The following ADGRV1 variants were observed in gnomAD, a reference collection of about 807,000 sequenced individuals.
The protein encoded by ADGRV1 is G-protein coupled receptor 98.
Under a neutral mutation model 596.2 loss-of-function variants are expected in ADGRV1, and 359 were observed. That is an observed-to-expected ratio of 0.60 (90% CI 0.55 to 0.66). The LOEUF (loss-of-function observed/expected upper bound fraction) is 0.66, where lower values mean the gene tolerates loss of function less well. ADGRV1 is among the 30% of genes least tolerant of loss of function. ADGRV1 has a pLI of 0.00. For missense variants in ADGRV1, 7,274 were observed against 7,575.6 expected, an observed-to-expected ratio of 0.96 and a Z score of 1.48; for synonymous variants, 2,681 against 2,679.2, an observed-to-expected ratio of 1.00 and a Z score of -0.02.
At chr5:91,149,463 C>T (rs1795833294) in intron 87 of ADGRV1, among the ~76,000 whole-genome samples, 2 of 152,164 alleles carry the variant, frequency 1.3e-5, no homozygotes, top group South Asian at 4.1e-4. Flanking sequence ...GTGCCTTCCA[C>T]CATGATGTTA....
At chr5:91,154,539 C>G (rs1240086880) in intron 89 of ADGRV1, among the ~76,000 whole-genome samples, 4 of 152,238 alleles carry the variant, frequency 2.6e-5, no homozygotes, top group African/African-American at 9.6e-5. Flanking sequence ...AGACCGTGCT[C>G]TCAGCCGCTG....
chr5:91,111,043 A>T (rs1196885487), intron 87 of ADGRV1, among the ~76,000 whole-genome samples: 2 of 152,224 alleles, frequency 1.3e-5, no homozygotes, highest in African/African-American at 4.8e-5. Context: ...CCAGTTGGTT[A>T]AAATCATTTT....
intron 87 of ADGRV1, among the ~76,000 whole-genome samples, chr5:91,136,609 T>G (rs1045915783): frequency 6.6e-6 from 1 of 152,242 alleles, no homozygotes; most frequent in Non-Finnish European, 1.5e-5. Flanking sequence ...CTTTATAAAT[T>G]TGATCTACAG....
At chr5:91,143,970 T>G (rs1795321587) in intron 87 of ADGRV1, among the ~76,000 whole-genome samples, 1 of 152,216 alleles carries the variant, frequency 6.6e-6, no homozygotes, top group African/African-American at 2.4e-5. Flanking sequence ...TGTGCATGCC[T>G]GGCTGGGTTG....
intron 83 of ADGRV1, among the ~76,000 whole-genome samples, chr5:90,936,073 TAA>T (rs1159156072): frequency 6.6e-6 from 1 of 152,208 alleles, no homozygotes; most frequent in Non-Finnish European, 1.5e-5. Flanking sequence ...GCATTTGTAA[TAA>T]GTTACCAGGA....
Position 90,774,204 on chromosome 5 carries a change from A to G in ADGRV1, c.12304A>G (p.Ile4102Val), listed in dbSNP as rs530625257. The G allele has an allele frequency of 3.1e-6, 5 of 1,605,946 alleles. No homozygotes were observed. Among genetic ancestry groups the G allele is most frequent in the Non-Finnish European group, 3.4e-6 (4 of 1,174,148 alleles). ...HFDETESQKT[I>V]VLHTLQDTVL... ...GATGTAGACTGAGTCCCAGAAGACC[A>G]TTGTGTTGCACACACTTCAAGACAC... The change falls in exon 60 of 90, where the codon ATT becomes GTT. Residue 4102 changes from isoleucine (I) to valine (V), a missense_variant. Coordinates refer to ENST00000405460, the MANE Select transcript of ADGRV1 (RefSeq NM_032119.4).
chr5:91,141,523 A>G (rs58976456), intron 87 of ADGRV1, among the ~76,000 whole-genome samples: 1,734 of 152,314 alleles, frequency 0.011, 34 homozygotes, highest in African/African-American at 0.04. Context: ...AAATAAGACC[A>G]TCAACAAAAG....
chr5:90,925,541 TGGG>T (rs1774345493), intron 83 of ADGRV1, among the ~76,000 whole-genome samples: 1 of 152,150 alleles, frequency 6.6e-6, no homozygotes, highest in East Asian at 1.9e-4. Context: ...GCTGAGACAG[TGGG>T]GTTTTCTAGA....
chr5:90,714,850 A>G (rs542813069), intron 42 of ADGRV1, among the ~76,000 whole-genome samples: 1 of 152,194 alleles, frequency 6.6e-6, no homozygotes, highest in Admixed American at 6.5e-5. Context: ...TATTTATCAT[A>G]GCCTTGAAGT....
At chr5:90,856,916 TC>T (rs1767076717) in intron 82 of ADGRV1, among the ~76,000 whole-genome samples, 1 of 152,220 alleles carries the variant, frequency 6.6e-6, no homozygotes, top group South Asian at 2.1e-4. Flanking sequence ...AATGCATATC[TC>T]TTGTATTTGG....
At chr5:91,099,587 G>C (rs1218804256) in intron 86 of ADGRV1, among the ~76,000 whole-genome samples, 17 of 152,140 alleles carry the variant, frequency 1.1e-4, no homozygotes, top group Admixed American at 1.0e-3. Context: ...CAGGGGAGTG[G>C]ATCGAATCAG....
chr5:91,003,057 G>T (rs563421775), intron 85 of ADGRV1, among the ~76,000 whole-genome samples: 2 of 152,100 alleles, frequency 1.3e-5, no homozygotes, highest in South Asian at 4.1e-4. Context: ...TACCTCCCAG[G>T]GTACCACACT....
At chr5:90,829,811 T>C (rs1345293239) in intron 77 of ADGRV1, among the ~76,000 whole-genome samples, 1 of 152,118 alleles carries the variant, frequency 6.6e-6, no homozygotes, top group Non-Finnish European at 1.5e-5. Flanking sequence ...GAAACTCTAA[T>C]ATAGTAAAGC....
chr5:90,655,959 T>C (rs1475377137), intron 20 of ADGRV1: 1 of 152,228 alleles, frequency 6.6e-6, no homozygotes, highest in Non-Finnish European at 1.5e-5. Flanking sequence ...TCACAATTTT[T>C]CTTCTTTATT....
chr5:91,003,249 G>A (rs980177730), intron 85 of ADGRV1, among the ~76,000 whole-genome samples: 12 of 152,240 alleles, frequency 7.9e-5, no homozygotes, highest in South Asian at 2.1e-4. Context: ...GAAATCCTGC[G>A]CCTTTTAATT....
intron 83 of ADGRV1, among the ~76,000 whole-genome samples, chr5:90,914,031 T>C (rs78751985): frequency 0.056 from 8,513 of 152,242 alleles, 401 homozygotes; most frequent in East Asian, 0.23. Flanking sequence ...TATGAAGTAG[T>C]GAGTGGGGCT....
At position 90,643,079 on chromosome 5, in the gene ADGRV1, G is replaced by T. The variant is rs756935726; in HGVS notation, c.2553+38G>T. 75 of 1,499,138 alleles carry T rather than the reference G, an allele frequency of 5.0e-5. No homozygotes were observed. In the Admixed American group the frequency reaches 1.2e-3, roughly 25 times the overall value. 92.9% of individuals were successfully genotyped at this position (1,499,138 alleles called of 1,614,324 possible). A position where few individuals can be genotyped will look rare whatever the true frequency, so the allele number is the denominator to read the frequency against. ...ATATTTTCTTTGTGTTTCTCTGTAAGATTGATAGTATTTGGTATATTATGA... is the reference window on the plus strand; with the variant it reads ...ATATTTTCTTTGTGTTTCTCTGTAATATTGATAGTATTTGGTATATTATGA... On this transcript the variant is annotated intron_variant, in intron 13 of 89. Coordinates refer to ENST00000405460, the MANE Select transcript of ADGRV1 (RefSeq NM_032119.4).
chr5:91,104,842 TTTTC>T (rs1387893621), intron 87 of ADGRV1, among the ~76,000 whole-genome samples: 13 of 145,330 alleles, frequency 8.9e-5, no homozygotes, highest in Non-Finnish European at 1.9e-4. Flanking sequence ...CAACCTTTTC[TTTTC>T]TTTCTTTTCT....
intron 76 of ADGRV1, among the ~76,000 whole-genome samples, chr5:90,827,256 CT>C (rs1764146087): frequency 6.6e-6 from 1 of 152,084 alleles, no homozygotes. Flanking sequence ...CTTATGAGGT[CT>C]CTGTCATTTT....
Sources: allele counts gnomAD v4.1 joint callset (sites outside exome capture counted in the v4.1 genomes callset), GRCh38; gene constraint gnomAD v4.1.1; transcripts MANE v1.5; gene names NCBI Gene and HGNC (gene_info 2026-07-23, HGNC 2026-07-21).